The following TNRC6A variants were observed in gnomAD, a reference collection of about 807,000 sequenced individuals.
TNRC6A encodes trinucleotide repeat containing adaptor 6A, also known as trinucleotide repeat-containing gene 6A protein.
A neutral mutation model predicts 221.2 loss-of-function variants in TNRC6A; 44 were observed. The observed-to-expected ratio is 0.20, with a 90% CI of 0.16 to 0.26. The LOEUF (loss-of-function observed/expected upper bound fraction) is 0.26, where lower values mean the gene tolerates loss of function less well. TNRC6A is among the 10% of genes least tolerant of loss of function. The pLI is 1.00. For synonymous variants in TNRC6A, 847 were observed against 838.5 expected, an observed-to-expected ratio of 1.01 and a Z score of -0.18; for missense variants, 2,199 against 2,404.4, an observed-to-expected ratio of 0.91 and a Z score of 1.79.
intron 2 of TNRC6A, among the ~76,000 whole-genome samples, chr16:24,745,977 C>T (rs1323658008): frequency 1.3e-5 from 2 of 152,142 alleles, no homozygotes; most frequent in African/African-American, 2.4e-5. Flanking sequence ...ATTTTCCCTC[C>T]CTTTTTCAAT....
chr16:24,779,863 T>C (rs1486626393), intron 5 of TNRC6A, among the ~76,000 whole-genome samples: 1 of 152,212 alleles, frequency 6.6e-6, no homozygotes, highest in Non-Finnish European at 1.5e-5. Context: ...TACATTCTCA[T>C]TTTTAATTTT....
At chr16:24,613,225 C>T (rs1034354541) in intron 1 of TNRC6A, among the ~76,000 whole-genome samples, 3 of 149,872 alleles carry the variant, frequency 2.0e-5, no homozygotes, top group African/African-American at 7.4e-5. Flanking sequence ...TCTGATGATG[C>T]AATTTTTAAG....
At chr16:24,651,184 CA>C (rs551269541) in intron 2 of TNRC6A, among the ~76,000 whole-genome samples, 3,232 of 111,804 alleles carry the variant, frequency 0.029, 63 homozygotes, top group African/African-American at 0.07. Flanking sequence ...CTGGGTATGG[CA>C]AAAAAAAAAA....
chr16:24,777,122 A>AGCAGCAGCAGCC lies in TNRC6A; in HGVS notation c.354_365dup (p.Gln124_Gln127dup). 6.3e-7 allele frequency: 1 copy of AGCAGCAGCAGCC among 1,593,644 alleles called. No individual in the cohort carries two copies. Among genetic ancestry groups the AGCAGCAGCAGCC allele is most frequent in the South Asian group, 1.1e-5 (1 of 89,252 alleles). On this transcript the variant is annotated inframe_insertion, in exon 5 of 25. Coordinates refer to ENST00000395799, the MANE Select transcript of TNRC6A (RefSeq NM_014494.4). ...CAGCAGCAGCCACAGCCGCAGCCGCAGCAGCAGCAGCCACAGCAGCAGCCA... is the reference window on the plus strand; with the variant it reads ...CAGCAGCAGCCACAGCCGCAGCCGCAGCAGCAGCAGCCGCAGCAGCAGCCACAGCAGCAGCCA...
chr16:24,694,764 T>A (rs1169764009), intron 2 of TNRC6A, among the ~76,000 whole-genome samples: 6 of 149,272 alleles, frequency 4.0e-5, no homozygotes, highest in Non-Finnish European at 8.9e-5. Context: ...CAAGACCCCA[T>A]CTCTACAAAA....
intron 2 of TNRC6A, among the ~76,000 whole-genome samples, chr16:24,677,485 C>T (rs2055443377): frequency 6.6e-6 from 1 of 152,020 alleles, no homozygotes; most frequent in Non-Finnish European, 1.5e-5. Flanking sequence ...TTCTTTTGCT[C>T]ATGGAAAGGC....
chr16:24,668,421 G>A (rs758338542), intron 2 of TNRC6A, among the ~76,000 whole-genome samples: 19 of 151,958 alleles, frequency 1.3e-4, no homozygotes, highest in Admixed American at 1.2e-3. Flanking sequence ...ATATTTCAGC[G>A]CTTGCACTTT....
intron 1 of TNRC6A, among the ~76,000 whole-genome samples, chr16:24,640,158 G>C (rs1185887446): frequency 6.6e-6 from 1 of 152,190 alleles, no homozygotes; most frequent in Non-Finnish European, 1.5e-5. Flanking sequence ...CCAGCACTTT[G>C]GGAGGCCAAG....
chr16:24,747,405 C>G (rs1376023316), intron 2 of TNRC6A, among the ~76,000 whole-genome samples: 1 of 152,058 alleles, frequency 6.6e-6, no homozygotes, highest in Non-Finnish European at 1.5e-5. Flanking sequence ...ATTCATAGAA[C>G]TTACAGATGT....
intron 2 of TNRC6A, among the ~76,000 whole-genome samples, chr16:24,731,760 A>C (rs2056648981): frequency 6.6e-6 from 1 of 152,220 alleles, no homozygotes; most frequent in African/African-American, 2.4e-5. Context: ...GTATAATTTT[A>C]ATATTAGGTA....
At chr16:24,723,207 G>A (rs145708939) in intron 2 of TNRC6A, among the ~76,000 whole-genome samples, 1 of 152,180 alleles carries the variant, frequency 6.6e-6, no homozygotes, top group Non-Finnish European at 1.5e-5. Context: ...CCACAGCAAT[G>A]GTTCTCAATA....
rs1259870835 is a variant in TNRC6A, at chr16:24,634,404, TGGGCGACAGAGA to T, written n.277-6478_277-6467del. Among the ~76,000 whole-genome samples, 5 of 152,136 alleles carry T rather than the reference TGGGCGACAGAGA, an allele frequency of 3.3e-5. No individual in the cohort carries two copies. In the East Asian group the frequency reaches 9.6e-4, roughly 29 times the overall value. On this transcript the variant is annotated intron_variant and non_coding_transcript_variant, in intron 1 of 2. Transcript: ENST00000566108. ...GAGATCATGCCACTACACTCCAGCC[TGGGCGACAGAGA>T]GAGACCCTGTCTCAGATAAATAAAT...
At chr16:24,819,236 A>G (rs2058716322) in intron 21 of TNRC6A, among the ~76,000 whole-genome samples, 1 of 152,170 alleles carries the variant, frequency 6.6e-6, no homozygotes, top group African/African-American at 2.4e-5. Flanking sequence ...TAATGCACAC[A>G]CACTTTGTAA....
At chr16:24,671,988 G>A (rs1286836034) in intron 2 of TNRC6A, among the ~76,000 whole-genome samples, 1 of 152,100 alleles carries the variant, frequency 6.6e-6, no homozygotes, top group African/African-American at 2.4e-5. Flanking sequence ...GTCATAAAAA[G>A]ACATTTGAGG....
rs1023588281 is a variant in TNRC6A, at chr16:24,809,297, A to G, written c.4541-53A>G. 60 of 1,419,142 alleles carry G rather than the reference A, an allele frequency of 4.2e-5. No homozygotes were observed. In the Admixed American group the frequency reaches 8.3e-4, roughly 20 times the overall value. 87.9% of individuals were successfully genotyped at this position (1,419,142 alleles called of 1,614,324 possible). ...TAGGAAATAGAAGTTGTGCTACTAG[A>G]AAGAAAATGTGCTGTATTTTCTAAG... is the stretch of plus-strand genomic sequence containing the variant. On this transcript the variant is annotated intron_variant, in intron 17 of 24. Coordinates refer to ENST00000395799, the MANE Select transcript of TNRC6A (RefSeq NM_014494.4).
intron 1 of TNRC6A, among the ~76,000 whole-genome samples, chr16:24,630,360 A>G (rs1346728899): frequency 6.6e-6 from 1 of 152,014 alleles, no homozygotes; most frequent in Non-Finnish European, 1.5e-5. Flanking sequence ...TGGAAGTGCT[A>G]TCTTTAAAAA....
intron 1 of TNRC6A, among the ~76,000 whole-genome samples, chr16:24,614,664 T>C (rs1026654219): frequency 6.6e-6 from 1 of 152,190 alleles, no homozygotes; most frequent in African/African-American, 2.4e-5. Flanking sequence ...ATTTGGGCCA[T>C]ATGGAACTCA....
intron 2 of TNRC6A, among the ~76,000 whole-genome samples, chr16:24,714,385 T>C (rs534172894): frequency 7.2e-6 from 1 of 138,446 alleles, no homozygotes; most frequent in South Asian, 2.4e-4. Context: ...CTTGACTCAC[T>C]GCAAGCTCCG....
Position 24,643,627 on chromosome 16 carries a change from G to A in TNRC6A, n.402+2618G>A, listed in dbSNP as rs115690404. ...CCCATCAGACTTGAGGCTTGGCCCC[G>A]TCTTCCCTTGAGTCAACATCTTCCT... On this transcript the variant is annotated intron_variant and non_coding_transcript_variant, in intron 2 of 2. Coordinates refer to the TNRC6A transcript ENST00000566108. Among the ~76,000 whole-genome samples, 560 of 152,174 alleles carry A rather than the reference G, an allele frequency of 3.7e-3. 4 individuals carry two copies. Among genetic ancestry groups the A allele is most frequent in the African/African-American group, 0.012 (487 of 41,506 alleles).
Sources: allele counts gnomAD v4.1 joint callset (sites outside exome capture counted in the v4.1 genomes callset), GRCh38; gene constraint gnomAD v4.1.1; transcripts MANE v1.5; gene names NCBI Gene and HGNC (gene_info 2026-07-23, HGNC 2026-07-21).